Variants in FSD1L observed in about 807,000 individuals in gnomAD.
FSD1L encodes FSD1-like protein.
In FSD1L, 45 loss-of-function variants were observed where a neutral mutation model predicts 71.6. The observed-to-expected ratio is 0.63, with a 90% CI of 0.49 to 0.81. FSD1L has a LOEUF of 0.81. Among genes scored for constraint, FSD1L ranks in the 30% least tolerant of loss-of-function variants. The pLI is 0.00. For missense variants in FSD1L, 561 were observed against 618.1 expected, an observed-to-expected ratio of 0.91 and a Z score of 0.98; for synonymous variants, 197 against 207.2, an observed-to-expected ratio of 0.95 and a Z score of 0.42.
At chr9:105,512,228 T>TC (rs113507975) in intron 9 of FSD1L, among the ~76,000 whole-genome samples, 102,795 of 151,244 alleles carry the variant, frequency 0.68, 35,268 homozygotes, top group African/African-American at 0.76. Context: ...ATTTATGTGG[T>TC]TCTTTTCCCT....
chr9:105,500,233 G>A (rs932570772), intron 7 of FSD1L, among the ~76,000 whole-genome samples: 31 of 152,202 alleles, frequency 2.0e-4, no homozygotes, highest in African/African-American at 7.5e-4. Flanking sequence ...TTGGGTTAAA[G>A]AAACTGATGT....
upstream of FSD1L, among the ~76,000 whole-genome samples, chr9:105,444,774 C>G (rs1829607126): frequency 6.6e-6 from 1 of 152,192 alleles, no homozygotes. Context: ...CTCTGTAGTC[C>G]TCTCCCCGAC....
chr9:105,516,394 A>G (rs1218637084), intron 10 of FSD1L, among the ~76,000 whole-genome samples: 1 of 152,148 alleles, frequency 6.6e-6, no homozygotes, highest in Non-Finnish European at 1.5e-5. Flanking sequence ...AATCCTGACT[A>G]GGAGACACCT....
intron 7 of FSD1L, among the ~76,000 whole-genome samples, chr9:105,489,508 TTTA>T (rs200615092): frequency 6.6e-6 from 1 of 152,156 alleles, no homozygotes; most frequent in Admixed American, 6.5e-5. Context: ...GTTTTTTTAT[TTTA>T]TTATTATTAT....
chr9:105,477,244 T>A (rs1831864593), intron 5 of FSD1L, among the ~76,000 whole-genome samples: 1 of 152,130 alleles, frequency 6.6e-6, no homozygotes, highest in Non-Finnish European at 1.5e-5. Flanking sequence ...GTAATATTTC[T>A]CTAAGTTTGA....
At position 105,484,453 on chromosome 9, in the gene FSD1L, G is replaced by A. The variant is rs1401196531; in HGVS notation, c.537G>A (p.Val179=). The A allele has an allele frequency of 3.9e-6, 6 of 1,530,968 alleles. No individual in the cohort carries two copies. Among genetic ancestry groups the A allele is most frequent in the Non-Finnish European group, 5.3e-6 (6 of 1,138,698 alleles). The allele number at this position is 1,530,968 out of a possible 1,614,324, so 94.8% of individuals were successfully genotyped here. A position where few individuals can be genotyped will look rare whatever the true frequency, so the allele number is the denominator to read the frequency against. ...KVSDNMTHLM[V]DFSQERQMLQ... ...GTGACAACATGACTCATTTAATGGTGGATTTCTCACAGGAAAGACAGATGC... is the reference window on the plus strand; with the variant it reads ...GTGACAACATGACTCATTTAATGGTAGATTTCTCACAGGAAAGACAGATGC... Residue 179 remains valine (V), a synonymous_variant, in exon 7 of 14, where the codon GTG becomes GTA. Coordinates refer to ENST00000481272, the MANE Select transcript of FSD1L (RefSeq NM_001145313.3).
intron 7 of FSD1L, among the ~76,000 whole-genome samples, chr9:105,485,325 G>T (rs1057108481): frequency 2.0e-5 from 3 of 152,008 alleles, no homozygotes; most frequent in African/African-American, 4.8e-5. Context: ...ATGCAAAAAA[G>T]GCAAAACAAG....
chr9:105,529,252 AC>A (rs1192381441), intron 10 of FSD1L, among the ~76,000 whole-genome samples: 1 of 152,226 alleles, frequency 6.6e-6, no homozygotes, highest in African/African-American at 2.4e-5. Flanking sequence ...ATATCATTTG[AC>A]CCAGCAATCC....
chr9:105,448,069 G>C lies in FSD1L; in HGVS notation c.-152G>C. 1.2e-6 allele frequency: 1 copy of C among 840,398 alleles called. No homozygotes were observed. Among genetic ancestry groups the C allele is most frequent in the Non-Finnish European group, 1.9e-6 (1 of 523,732 alleles). 52.1% of individuals were successfully genotyped at this position (840,398 alleles called of 1,614,324 possible). A position where few individuals can be genotyped will look rare whatever the true frequency, so the allele number is the denominator to read the frequency against. The stretch of plus-strand genomic sequence containing the variant: ...GGCAACCGCGGCGTGACTACGGCGC[G>C]CGCGGTCTGGGCGCGGACGGGTGGG... On this transcript the variant is annotated 5_prime_UTR_variant, in exon 1 of 14. Coordinates refer to ENST00000481272, the MANE Select transcript of FSD1L (RefSeq NM_001145313.3).
chr9:105,467,783 T>C (rs1258782141), intron 3 of FSD1L, among the ~76,000 whole-genome samples: 2 of 152,198 alleles, frequency 1.3e-5, no homozygotes, highest in East Asian at 3.9e-4. Context: ...AATTAAAATC[T>C]CTGGAATATT....
At chr9:105,461,939 C>T (rs1830725855) in intron 2 of FSD1L, among the ~76,000 whole-genome samples, 1 of 150,370 alleles carries the variant, frequency 6.7e-6, no homozygotes, top group Non-Finnish European at 1.5e-5. Context: ...TGCACTCCCA[C>T]CTGTGTGACA....
At chr9:105,447,592 C>T (rs374477782), upstream of FSD1L, among the ~76,000 whole-genome samples, 3 of 152,228 alleles carry the variant, frequency 2.0e-5, no homozygotes, top group African/African-American at 4.8e-5. Context: ...ACTCTCATCC[C>T]TATATCCCTC....
At chr9:105,522,691 A>G (rs969216072) in intron 10 of FSD1L, 18 of 1,611,536 alleles carry the variant, frequency 1.1e-5, no homozygotes, top group Non-Finnish European at 1.4e-5. Flanking sequence ...GCCAAAGTCA[A>G]TAAAGAGGAC....
chr9:105,450,291 G>A (rs1479203573), intron 1 of FSD1L, among the ~76,000 whole-genome samples: 1 of 152,198 alleles, frequency 6.6e-6, no homozygotes, highest in Non-Finnish European at 1.5e-5. Context: ...TCAGTCAGTA[G>A]AGTATAAGAA....
chr9:105,521,500 G>A (rs1288261814), intron 10 of FSD1L: 39 of 1,613,764 alleles, frequency 2.4e-5, no homozygotes, highest in Admixed American at 5.0e-5. Context: ...GAGATATTTC[G>A]TCAGGCATTT....
intron 7 of FSD1L, among the ~76,000 whole-genome samples, chr9:105,487,069 A>G (rs765226044): frequency 2.0e-5 from 3 of 152,176 alleles, no homozygotes; most frequent in Non-Finnish European, 2.9e-5. Flanking sequence ...GGAAGCATAC[A>G]TATACATTGT....
chr9:105,498,966 A>G (rs183822154), intron 7 of FSD1L, among the ~76,000 whole-genome samples: 2 of 152,118 alleles, frequency 1.3e-5, no homozygotes, highest in African/African-American at 2.4e-5. Context: ...TTGCAGCTAT[A>G]TATCTTTTTC....
intron 7 of FSD1L, among the ~76,000 whole-genome samples, chr9:105,501,138 G>A (rs1833732444): frequency 6.6e-6 from 1 of 152,122 alleles, no homozygotes; most frequent in Admixed American, 6.5e-5. Context: ...AAGTAACTTA[G>A]GCTTATTTTT....
upstream of FSD1L, chr9:105,447,935 G>C: frequency 5.8e-6 from 3 of 518,438 alleles, no homozygotes; most frequent in African/African-American, 2.1e-5. Flanking sequence ...GTAGACAGAC[G>C]GGCGGCGCTC....
Sources: gnomAD v4.1 joint callset for allele counts (sites outside exome capture counted in the v4.1 genomes callset) on GRCh38, gnomAD v4.1.1 for gene constraint, MANE v1.5 for transcripts, NCBI Gene and HGNC (gene_info 2026-07-23, HGNC 2026-07-21) for gene names.